MED26: variants seen among roughly 807,000 people sequenced by gnomAD.
The protein encoded by MED26 is mediator of RNA polymerase II transcription subunit 26.
Under a neutral mutation model 43.7 loss-of-function variants are expected in MED26, and 7 were observed. The ratio of observed to expected loss-of-function variants is 0.16; its 90% confidence interval spans 0.09 to 0.30. The LOEUF (loss-of-function observed/expected upper bound fraction) is 0.30, where lower values mean the gene tolerates loss of function less well. Ranked by LOEUF, MED26 falls within the 10% of genes least tolerant of loss-of-function variation. The pLI is 1.00. For missense variants in MED26, 784 were observed against 840.6 expected (o/e 0.93, Z 0.83); for synonymous variants, 375 against 371.1 (o/e 1.01, Z -0.12).
chr19:16,609,336 A>AAAAAAAAAAAAGAGAGAG lies in MED26; in HGVS notation c.72+18535_72+18536insCTCTCTCTTTTTTTTTTT, dbSNP rs765489188. 6.2e-4 allele frequency among the ~76,000 whole-genome samples: 88 copies of AAAAAAAAAAAAGAGAGAG among 142,342 alleles called. 4 individuals carry two copies. The highest frequency in any genetic ancestry group is 1.0e-3 in the Non-Finnish European group (67 of 64,070). The allele number at this position is 142,342 out of a possible 152,430, so 93.4% of individuals were successfully genotyped here. On this transcript the variant is annotated intron_variant, in intron 1 of 2. Transcript: ENST00000263390. ...CAAAAAAAAAAAAAAAAAAAAAAAA[A>AAAAAAAAAAAAGAGAGAG]AGAGAGAGAATAAGATATTAACCAA...
At chr19:16,616,122 T>C (rs955099313) in intron 1 of MED26, among the ~76,000 whole-genome samples, 3 of 152,210 alleles carry the variant, frequency 2.0e-5, no homozygotes, top group African/African-American at 7.2e-5. Flanking sequence ...AGGAAGGCCA[T>C]GGGAGCTAGA....
At chr19:16,615,136 G>GA (rs2086218234) in intron 1 of MED26, among the ~76,000 whole-genome samples, 1 of 152,202 alleles carries the variant, frequency 6.6e-6, no homozygotes, top group Admixed American at 6.5e-5. Flanking sequence ...AGCACTGCGG[G>GA]AAAGATCAGA....
In MED26 at chr19:16,576,419, G is replaced by A; in HGVS notation, c.1411C>T (p.Pro471Ser). 6.2e-7 allele frequency: 1 copy of A among 1,614,152 alleles called. No individual in the cohort carries two copies. Among genetic ancestry groups the A allele is most frequent in the Non-Finnish European group, 8.5e-7 (1 of 1,180,034 alleles). The change falls in exon 3 of 3, where the codon CCC becomes TCC. Residue 471 changes from proline (P) to serine (S), a missense_variant. By Grantham distance (74) the Pro-to-Ser change is moderately conservative. Around this residue, in one of 3 missense-constraint regions of MED26, gnomAD observed 719 missense variants for 730.9 expected, o/e 0.98. Coordinates refer to ENST00000263390, the MANE Select transcript of MED26 (RefSeq NM_004831.5). The surrounding 1 kb of genome is among the most constrained non-coding windows in gnomAD (Gnocchi z 6.8). ...KQEAKASLQSPFEQTNWKELS... is the reference protein window; with the variant it reads ...KQEAKASLQSSFEQTNWKELS... ...TCCTTCCAGTTCGTCTGTTCGAAGG[G>A]GCTCTGGAGGCTGGCCTTGGCCTCC...
chr19:16,620,229 C>A (rs1015694294), intron 1 of MED26, among the ~76,000 whole-genome samples: 1 of 152,236 alleles, frequency 6.6e-6, no homozygotes, highest in East Asian at 1.9e-4. Flanking sequence ...GGAGTGCCTG[C>A]GCAGCAAGTG....
At chr19:16,582,063 C>T (rs1325864213) in intron 1 of MED26, among the ~76,000 whole-genome samples, 1 of 152,252 alleles carries the variant, frequency 6.6e-6, no homozygotes, top group Non-Finnish European at 1.5e-5. Context: ...GATCCCAGCC[C>T]GGTGAGACTG....
chr19:16,613,398 T>A (rs1344767424), intron 1 of MED26, among the ~76,000 whole-genome samples: 1 of 152,044 alleles, frequency 6.6e-6, no homozygotes, highest in African/African-American at 2.4e-5. Flanking sequence ...TCTAGAGATG[T>A]CAGAGGCCGT....
At chr19:16,614,323 T>C (rs1269139811) in intron 1 of MED26, among the ~76,000 whole-genome samples, 1 of 151,980 alleles carries the variant, frequency 6.6e-6, no homozygotes, top group East Asian at 1.9e-4. Context: ...AGCTCAGGAA[T>C]TTGAGACCAG....
At chr19:16,605,954 C>T (rs372973725) in intron 1 of MED26, among the ~76,000 whole-genome samples, 6 of 152,360 alleles carry the variant, frequency 3.9e-5, no homozygotes, top group South Asian at 2.1e-4. Context: ...TGCGGATATT[C>T]GTGCATGGCA....
intron 1 of MED26, among the ~76,000 whole-genome samples, chr19:16,626,015 G>A (rs923582503): frequency 6.6e-6 from 1 of 152,150 alleles, no homozygotes; most frequent in African/African-American, 2.4e-5. Flanking sequence ...TAGCATTTCT[G>A]CATGTGCTAA....
intron 1 of MED26, among the ~76,000 whole-genome samples, chr19:16,593,821 C>T (rs532400698): frequency 2.6e-5 from 4 of 152,278 alleles, no homozygotes; most frequent in African/African-American, 7.2e-5. Flanking sequence ...AGAAGGCCAC[C>T]TCTCCTGTCC....
chr19:16,620,648 T>C (rs535102996), intron 1 of MED26, among the ~76,000 whole-genome samples: 8 of 152,184 alleles, frequency 5.3e-5, no homozygotes, highest in African/African-American at 7.2e-5. Context: ...GTTAAAATGA[T>C]GAATGGTTCC....
At chr19:16,616,743 A>T (rs1367516482) in intron 1 of MED26, among the ~76,000 whole-genome samples, 2 of 152,220 alleles carry the variant, frequency 1.3e-5, no homozygotes, top group Non-Finnish European at 2.9e-5. Context: ...TAAGGGCCGA[A>T]GACCGTGAGC....
chr19:16,584,888 T>G (rs1226691374), intron 1 of MED26, among the ~76,000 whole-genome samples: 1 of 152,230 alleles, frequency 6.6e-6, no homozygotes, highest in African/African-American at 2.4e-5. Flanking sequence ...GAGAGTTCAC[T>G]GATCTAGAAG....
chr19:16,600,422 C>T (rs1017239248), intron 1 of MED26, among the ~76,000 whole-genome samples: 1 of 152,190 alleles, frequency 6.6e-6, no homozygotes, highest in Non-Finnish European at 1.5e-5. Flanking sequence ...GGGGGGCCTG[C>T]CCTCTCCTTT....
rs1352458952 is a variant in MED26 at position 16,611,603 on chromosome 19, C to G, written c.72+16269G>C. 3 of 152,164 alleles carry G rather than the reference C, an allele frequency of 2.0e-5. No homozygotes were observed. In the East Asian group the frequency reaches 5.8e-4, roughly 29 times the overall value. The allele number at this position is 152,164 out of a possible 1,614,324, so 9.4% of individuals were successfully genotyped here. On this transcript the variant is annotated intron_variant, in intron 1 of 2. Coordinates refer to ENST00000263390, the MANE Select transcript of MED26 (RefSeq NM_004831.5). ...AACCAACCCATTCCCCCTGCCCCAA[C>G]CAACACAAGTGCTTCCATTTTACCC...
chr19:16,627,287 G>C (rs1033473985), intron 1 of MED26, among the ~76,000 whole-genome samples: 2 of 152,148 alleles, frequency 1.3e-5, no homozygotes, highest in African/African-American at 2.4e-5. Context: ...GGCGTGTCTA[G>C]TCACAGAAGG....
intron 1 of MED26, among the ~76,000 whole-genome samples, chr19:16,618,399 A>G (rs1336916626): frequency 6.6e-6 from 1 of 152,222 alleles, no homozygotes; most frequent in Non-Finnish European, 1.5e-5. Context: ...AGCCCAGGAC[A>G]GGATCTGAAG....
chr19:16,596,095 C>T (rs1398777543), intron 1 of MED26, among the ~76,000 whole-genome samples: 1 of 152,194 alleles, frequency 6.6e-6, no homozygotes, highest in African/African-American at 2.4e-5. Flanking sequence ...ACTGCAGCTT[C>T]GACCTCACTT....
At chr19:16,622,843 A>G (rs1026944301) in intron 1 of MED26, among the ~76,000 whole-genome samples, 1 of 152,174 alleles carries the variant, frequency 6.6e-6, no homozygotes, top group African/African-American at 2.4e-5. Context: ...GACTGGAGTC[A>G]CCTGGAGTCA....
Sources: gnomAD v4.1 joint callset for allele counts (sites outside exome capture counted in the v4.1 genomes callset) on GRCh38, gnomAD v4.1.1 for gene constraint, gnomAD v4.1.1 regional missense constraint, Gnocchi (gnomAD v3.1) non-coding constraint, MANE v1.5 for transcripts, NCBI Gene and HGNC (gene_info 2026-07-23, HGNC 2026-07-21) for gene names.